Variants in PRDM16 observed in about 807,000 individuals in gnomAD.
PRDM16 encodes the protein PR/SET domain 16, also known as histone-lysine N-methyltransferase PRDM16.
PRDM16 carries 23 observed loss-of-function variants against 110.6 expected under a neutral mutation model. The ratio of observed to expected loss-of-function variants is 0.21; its 90% CI spans 0.15 to 0.29. The LOEUF (loss-of-function observed/expected upper bound fraction) is 0.29. PRDM16 is among the 10% of genes least tolerant of loss of function. PRDM16 has a pLI of 1.00. For synonymous variants in PRDM16, 799 were observed against 781.8 expected, an observed-to-expected ratio of 1.02 and a Z score of -0.37; for missense variants, 1,615 against 1,794.3, an observed-to-expected ratio of 0.90 and a Z score of 1.81.
Position 3,433,973 on chromosome 1 carries a change from C to A in PRDM16, c.*162C>A, listed in dbSNP as rs79911679. On this transcript the variant is annotated 3_prime_UTR_variant, in exon 17 of 17. Transcript: ENST00000270722. ...CGACTTTTCCAATGGAAACTCAGAT[C>A]CCAAAAGTCCCTAAAGCAGTCGTAG... is the stretch of plus-strand genomic sequence containing the variant. 625 of 703,760 alleles carry A rather than the reference C, an allele frequency of 8.9e-4. 7 individuals carry two copies. In the East Asian group the frequency reaches 0.012, roughly 13 times the overall value. The allele number at this position is 703,760 out of a possible 1,614,324, so 43.6% of individuals were successfully genotyped here. A position where few individuals can be genotyped will look rare whatever the true frequency, so the allele number is the denominator to read the frequency against.
chr1:3,089,350 C>T (rs1023687891), intron 1 of PRDM16, among the ~76,000 whole-genome samples: 13 of 152,236 alleles, frequency 8.5e-5, no homozygotes, highest in South Asian at 2.1e-4. Flanking sequence ...CACCCCCCAC[C>T]GGGGCTGTGA....
In PRDM16 at chr1:3,201,390, G is replaced by A. The variant is rs1200261168; in HGVS notation, c.387+14916G>A. Among the ~76,000 whole-genome samples, 1 of 152,126 alleles carries A rather than the reference G, an allele frequency of 6.6e-6. No homozygotes were observed. The highest frequency in any genetic ancestry group is 1.5e-5 in the Non-Finnish European group (1 of 68,024). On this transcript the variant is annotated intron_variant, in intron 2 of 16. Coordinates refer to ENST00000270722, the MANE Select transcript of PRDM16 (RefSeq NM_022114.4). The surrounding 1 kb of genome is among the most constrained non-coding windows in gnomAD (Gnocchi z 4.1). ...GAGGCGGGTGTCCAGTCCCCAGAGA[G>A]GTGGCCTTCAAGTCCAGTAGCCCAA...
intron 1 of PRDM16, among the ~76,000 whole-genome samples, chr1:3,181,031 C>T (rs1345460381): frequency 9.8e-5 from 14 of 142,856 alleles, no homozygotes; most frequent in Admixed American, 5.0e-4. Flanking sequence ...CGGTCTTACA[C>T]GCGGTCTTAC....
Position 3,411,784 on chromosome 1 carries a change from A to G in PRDM16, c.1587A>G (p.Leu529=). 1 of 1,611,084 alleles carries G rather than the reference A, an allele frequency of 6.2e-7. No homozygotes were observed. The highest frequency in any genetic ancestry group is 1.1e-5 in the South Asian group (1 of 90,992). Residue 529 remains leucine (L), a synonymous_variant, in exon 9 of 17, where the codon CTA becomes CTG. Transcript: ENST00000270722. Reference sequence around the variant, plus strand: ...CCTTGTACCCCCGGCCGCCTCTGCTACCTCCCACATCGCTGCTCAAGAGCC... The same window carrying G: ...CCTTGTACCCCCGGCCGCCTCTGCTGCCTCCCACATCGCTGCTCAAGAGCC... ...PPSLYPRPPL[L]PPTSLLKSPL...
At chr1:3,418,366 C>G (rs559259377) in intron 11 of PRDM16, among the ~76,000 whole-genome samples, 5 of 152,210 alleles carry the variant, frequency 3.3e-5, no homozygotes, top group Non-Finnish European at 7.3e-5. Context: ...CCCGGCCACC[C>G]TCTGCTGGTG....
chr1:3,431,862 C>A, intron 15 of PRDM16, 104 bp from the exon 16 acceptor site: 1 of 1,133,596 alleles, frequency 8.8e-7, no homozygotes, highest in Non-Finnish European at 1.3e-6. Flanking sequence ...GGCAGAGATG[C>A]AGCGGCGTGC....
intron 3 of PRDM16, among the ~76,000 whole-genome samples, chr1:3,320,967 G>A (rs1641725519): frequency 6.6e-6 from 1 of 152,254 alleles, no homozygotes; most frequent in Non-Finnish European, 1.5e-5. Context: ...GCTGTCCCAA[G>A]CACCCGAGGG....
intron 3 of PRDM16, among the ~76,000 whole-genome samples, chr1:3,355,125 G>A (rs1642568533): frequency 6.6e-6 from 1 of 152,142 alleles, no homozygotes; most frequent in Non-Finnish European, 1.5e-5. Context: ...GCCTCATAGT[G>A]CTGAGGATTG....
chr1:3,208,858 T>G lies in PRDM16; in HGVS notation c.387+22384T>G, dbSNP rs2100840811. Among the ~76,000 whole-genome samples the G allele has an allele frequency of 6.6e-6, 1 of 152,200 alleles. No homozygotes were observed. The highest frequency in any genetic ancestry group is 1.9e-4 in the East Asian group (1 of 5,154). ...AAGCCATCTCCTCTTGCTCCCTGAG[T>G]GCCTGTCCAGAGGCCCCCCCAGGTC... On this transcript the variant is annotated intron_variant, in intron 2 of 16. Transcript: ENST00000270722. The surrounding 1 kb of genome is among the most constrained non-coding windows in gnomAD (Gnocchi z 6.1).
rs556955438 is a variant in PRDM16 at position 3,148,749 on chromosome 1, G to A, written c.38-37376G>A. Among the ~76,000 whole-genome samples the A allele has an allele frequency of 2.0e-5, 3 of 152,314 alleles. No homozygotes were observed. In the South Asian group the frequency reaches 6.2e-4, roughly 32 times the overall value. On this transcript the variant is annotated intron_variant, in intron 1 of 16. Coordinates refer to ENST00000270722, the MANE Select transcript of PRDM16 (RefSeq NM_022114.4). This position sits in a 1 kb window ranked among gnomAD's most constrained non-coding sequence, Gnocchi z 5.0. ...AATCTGGGCACTGCCTGGGACCATG[G>A]GGGGACCACAATATCTCTCTAAAAT...
chr1:3,411,554 C>T lies in PRDM16; in HGVS notation c.1357C>T (p.Pro453Ser), dbSNP rs780411229. 6.2e-7 allele frequency: 1 copy of T among 1,614,150 alleles called. No homozygotes were observed. The highest frequency in any genetic ancestry group is 1.1e-5 in the South Asian group (1 of 91,086). ...CTGCGAGGGCAAGAACCATTACACG[C>T]CGGGCGGCATCTTTGCCCCGGGCCT... ...RFCEGKNHYT[P>S]GGIFAPGLPL... Residue 453 changes from proline to serine, a missense_variant, in exon 9 of 17, where the codon CCG (proline) becomes TCG (serine). Transcript: ENST00000270722.
At chr1:3,147,631 A>G (rs572369484) in intron 1 of PRDM16, among the ~76,000 whole-genome samples, 1 of 152,268 alleles carries the variant, frequency 6.6e-6, no homozygotes, top group East Asian at 1.9e-4. Context: ...GGGGAGGCCA[A>G]GGCACATCTT....
chr1:3,288,883 C>G (rs1393859909), intron 3 of PRDM16, among the ~76,000 whole-genome samples: 1 of 152,182 alleles, frequency 6.6e-6, no homozygotes, highest in East Asian at 1.9e-4. Flanking sequence ...CCTGGGTGTT[C>G]TCCTCCCACA....
chr1:3,433,354 G>A (rs1209365580), intron 16 of PRDM16, among the ~76,000 whole-genome samples: 1 of 152,254 alleles, frequency 6.6e-6, no homozygotes, highest in East Asian at 1.9e-4. Flanking sequence ...TGTGGCCCAG[G>A]GCAAGGTTGA....
intron 2 of PRDM16, among the ~76,000 whole-genome samples, chr1:3,193,494 G>A (rs1638372439): frequency 6.6e-6 from 1 of 152,224 alleles, no homozygotes; most frequent in Non-Finnish European, 1.5e-5. Context: ...CCACTGCTCA[G>A]TGGGCTGGGT....
rs1642670196 is a variant in PRDM16, at chr1:3,359,342, A to C, written c.439-25810A>C. The stretch of plus-strand genomic sequence containing the variant: ...TTTGTCCTGGATGTCAATGTCCATG[A>C]AAACAGCCTCAGAACTATCAGGGTC... On this transcript the variant is annotated intron_variant, in intron 3 of 16. Coordinates refer to ENST00000270722, the MANE Select transcript of PRDM16 (RefSeq NM_022114.4). The surrounding 1 kb of genome is among the most constrained non-coding windows in gnomAD (Gnocchi z 4.3). Among the ~76,000 whole-genome samples, 1 of 152,214 alleles carries C rather than the reference A, an allele frequency of 6.6e-6. No homozygotes were observed. The highest frequency in any genetic ancestry group is 2.1e-4 in the South Asian group (1 of 4,830).
At position 3,160,200 on chromosome 1, in the gene PRDM16, C is replaced by T. The variant is rs377050107; in HGVS notation, c.38-25925C>T. On this transcript the variant is annotated intron_variant, in intron 1 of 16. Transcript: ENST00000270722. ...GTGGGGACCAGCCCCTGGGGATCCC[C>T]GGTGAGGCCGCGGTTCCTGCCCTGG... Among the ~76,000 whole-genome samples, 7 of 152,170 alleles carry T rather than the reference C, an allele frequency of 4.6e-5. No individual in the cohort carries two copies. In the East Asian group the frequency reaches 5.8e-4, roughly 13 times the overall value.
At chr1:3,100,504 C>T (rs950609483) in intron 1 of PRDM16, among the ~76,000 whole-genome samples, 2 of 151,928 alleles carry the variant, frequency 1.3e-5, no homozygotes, top group African/African-American at 4.8e-5. Flanking sequence ...GCAGAACCTC[C>T]ACGCCCTGCC....
At chr1:3,325,641 C>T (rs945969769) in intron 3 of PRDM16, among the ~76,000 whole-genome samples, 8 of 152,216 alleles carry the variant, frequency 5.3e-5, no homozygotes, top group African/African-American at 1.9e-4. Context: ...AGACCCGAAG[C>T]CTGAGATCCA....
Sources: gnomAD v4.1 joint callset for allele counts (sites outside exome capture counted in the v4.1 genomes callset) on GRCh38, gnomAD v4.1.1 for gene constraint, Gnocchi (gnomAD v3.1) non-coding constraint, MANE v1.5 for transcripts, NCBI Gene and HGNC (gene_info 2026-07-23, HGNC 2026-07-21) for gene names.